CHCHD6: variants seen among roughly 807,000 people sequenced by gnomAD.
The protein encoded by CHCHD6 is MICOS complex subunit MIC25.
In CHCHD6, 28 loss-of-function variants were observed where a neutral mutation model predicts 32.3. The observed-to-expected ratio is 0.87, with a 90% CI of 0.64 to 1.19. The LOEUF is 1.19. CHCHD6 is among the 50% of genes most tolerant of loss of function. The pLI is 0.00. For missense variants in CHCHD6, 333 were observed against 307.0 expected (o/e 1.08, Z -0.63); for synonymous variants, 122 against 117.5 (o/e 1.04, Z -0.25).
chr3:126,909,184 A>G (rs2078048361), intron 5 of CHCHD6, among the ~76,000 whole-genome samples: 1 of 152,226 alleles, frequency 6.6e-6, no homozygotes, highest in Non-Finnish European at 1.5e-5. Context: ...TCAGGGCTCC[A>G]GTCCAAAAGT....
chr3:126,943,281 T>C (rs1018456425), intron 6 of CHCHD6, among the ~76,000 whole-genome samples: 10 of 152,200 alleles, frequency 6.6e-5, no homozygotes, highest in Non-Finnish European at 1.2e-4. Context: ...TTTCATTCTT[T>C]GTTTTTTCGG....
At chr3:126,917,042 C>T (rs2078181769) in intron 6 of CHCHD6, among the ~76,000 whole-genome samples, 1 of 152,232 alleles carries the variant, frequency 6.6e-6, no homozygotes, top group Non-Finnish European at 1.5e-5. Flanking sequence ...CCCCACCAGC[C>T]CCTTTGTGAA....
intron 4 of CHCHD6, among the ~76,000 whole-genome samples, chr3:126,766,231 G>GA (rs536202087): frequency 2.0e-5 from 3 of 152,080 alleles, no homozygotes; most frequent in Non-Finnish European, 2.9e-5. Flanking sequence ...ACATTAAAGG[G>GA]AAAAAAACGT....
intron 4 of CHCHD6, among the ~76,000 whole-genome samples, chr3:126,834,613 A>G (rs1254585512): frequency 2.0e-5 from 3 of 152,146 alleles, no homozygotes; most frequent in Non-Finnish European, 2.9e-5. Context: ...GCCAATCTCT[A>G]TCAGTCCCTC....
In CHCHD6 at chr3:126,799,205, A is replaced by G. The variant is rs116578119; in HGVS notation, c.412-53442A>G. The stretch of plus-strand genomic sequence containing the variant: ...AACTTGGTGGGGACTGAAAAATAAA[A>G]AGGTGTTGAACAAGTGAAGGAATCA... On this transcript the variant is annotated intron_variant, in intron 4 of 7. Transcript: ENST00000290913. Among the ~76,000 whole-genome samples, 929 of 152,316 alleles carry G rather than the reference A, an allele frequency of 6.1e-3. 9 individuals are homozygous for G. Among genetic ancestry groups the G allele is most frequent in the African/African-American group, 0.021 (888 of 41,564 alleles).
intron 6 of CHCHD6, among the ~76,000 whole-genome samples, chr3:126,932,119 C>T (rs1459854556): frequency 6.6e-6 from 1 of 152,162 alleles, no homozygotes; most frequent in Admixed American, 6.5e-5. Flanking sequence ...GTGCATTCCT[C>T]TTGTTGTCTT....
chr3:126,715,301 A>T (rs1178860221), intron 1 of CHCHD6, among the ~76,000 whole-genome samples: 1 of 152,096 alleles, frequency 6.6e-6, no homozygotes, highest in Non-Finnish European at 1.5e-5. Flanking sequence ...TCCCTGACTC[A>T]GTTTCTTCAT....
chr3:126,866,254 A>T (rs1461196842), intron 5 of CHCHD6, among the ~76,000 whole-genome samples: 2 of 152,316 alleles, frequency 1.3e-5, no homozygotes, highest in Non-Finnish European at 2.9e-5. Flanking sequence ...CCCAGTAGTT[A>T]GCATTTATTG....
At chr3:126,912,697 A>T (rs2078108468) in intron 5 of CHCHD6, among the ~76,000 whole-genome samples, 1 of 152,222 alleles carries the variant, frequency 6.6e-6, no homozygotes, top group Admixed American at 6.5e-5. Context: ...GAATGCCAGC[A>T]CCTGGTGGTT....
intron 5 of CHCHD6, among the ~76,000 whole-genome samples, chr3:126,877,525 A>C (rs1242092255): frequency 6.6e-6 from 1 of 151,752 alleles, no homozygotes; most frequent in Admixed American, 6.6e-5. Context: ...ACTGCACTCC[A>C]GCCTGGGCGA....
At position 126,924,550 on chromosome 3, in the gene CHCHD6, G is replaced by T. The variant is rs115356903; in HGVS notation, c.566+9800G>T. 6.1e-3 allele frequency among the ~76,000 whole-genome samples: 932 copies of T among 152,318 alleles called. 9 individuals are homozygous for T. Among genetic ancestry groups the T allele is most frequent in the African/African-American group, 0.021 (891 of 41,578 alleles). On this transcript the variant is annotated intron_variant, in intron 6 of 7. Transcript: ENST00000290913. ...TGGGCATCAGATCCCTAAGCTAAGG[G>T]TGACCCCATGAGACAGGCACTGTCC...
At chr3:126,835,894 G>T (rs1042102445) in intron 4 of CHCHD6, among the ~76,000 whole-genome samples, 1 of 152,138 alleles carries the variant, frequency 6.6e-6, no homozygotes, top group African/African-American at 2.4e-5. Context: ...CTAGAAAATC[G>T]CATATTATTT....
intron 6 of CHCHD6, among the ~76,000 whole-genome samples, chr3:126,939,534 GAC>G (rs1457236113): frequency 6.6e-6 from 1 of 152,200 alleles, no homozygotes; most frequent in African/African-American, 2.4e-5. Context: ...GATGTGGGGG[GAC>G]ACAGTACACC....
intron 6 of CHCHD6, among the ~76,000 whole-genome samples, chr3:126,917,022 G>A (rs1237783989): frequency 1.3e-5 from 2 of 152,216 alleles, no homozygotes; most frequent in Non-Finnish European, 2.9e-5. Flanking sequence ...CATGAGGGCA[G>A]GGACTCCTGC....
chr3:126,922,360 C>T (rs2078263263), intron 6 of CHCHD6, among the ~76,000 whole-genome samples: 1 of 152,142 alleles, frequency 6.6e-6, no homozygotes, highest in African/African-American at 2.4e-5. Flanking sequence ...AAAACAGGGA[C>T]GATGGTGGTG....
At chr3:126,898,437 CAG>C (rs1310881904) in intron 5 of CHCHD6, among the ~76,000 whole-genome samples, 4 of 152,170 alleles carry the variant, frequency 2.6e-5, no homozygotes, top group South Asian at 2.1e-4. Context: ...GAGAGGAAAA[CAG>C]AGAGATAAGG....
chr3:126,941,721 T>C (rs1390352323), intron 6 of CHCHD6, among the ~76,000 whole-genome samples: 1 of 152,236 alleles, frequency 6.6e-6, no homozygotes, highest in Non-Finnish European at 1.5e-5. Context: ...ATTTTTTACA[T>C]GTTACAGAAT....
intron 4 of CHCHD6, among the ~76,000 whole-genome samples, chr3:126,816,605 G>T (rs1374859826): frequency 6.6e-6 from 1 of 152,158 alleles, no homozygotes; most frequent in African/African-American, 2.4e-5. Flanking sequence ...GGACAGAGAA[G>T]GTTCCCATGA....
At chr3:126,831,406 C>T (rs1275489723) in intron 4 of CHCHD6, among the ~76,000 whole-genome samples, 2 of 152,194 alleles carry the variant, frequency 1.3e-5, no homozygotes, top group Non-Finnish European at 2.9e-5. Flanking sequence ...GGCAAGCTTG[C>T]CTCTTCTGCC....
Sources: allele counts gnomAD v4.1 joint callset (sites outside exome capture counted in the v4.1 genomes callset), GRCh38; gene constraint gnomAD v4.1.1; transcripts MANE v1.5; gene names NCBI Gene and HGNC (gene_info 2026-07-23, HGNC 2026-07-21).